SGCZ: variants seen among roughly 807,000 people sequenced by gnomAD.
SGCZ encodes sarcoglycan zeta.
A neutral mutation model predicts 41.3 loss-of-function variants in SGCZ; 40 were observed. That is an observed-to-expected ratio of 0.97 (90% CI 0.75 to 1.26). The LOEUF (loss-of-function observed/expected upper bound fraction) is 1.26. Among genes scored for constraint, SGCZ ranks in the 50% most tolerant of loss-of-function variants. SGCZ has a pLI of 0.00. For missense variants in SGCZ, 552 were observed against 369.8 expected (o/e 1.49, Z -4.04); for synonymous variants, 206 against 137.5 (o/e 1.50, Z -3.49).
chr8:14,639,186 T>C (rs553155204), intron 1 of SGCZ, among the ~76,000 whole-genome samples: 1 of 151,530 alleles, frequency 6.6e-6, no homozygotes, highest in South Asian at 2.1e-4. Context: ...TCAACTTTAA[T>C]GAGAGACTGG....
chr8:14,190,087 G>A (rs1299713141), intron 4 of SGCZ, among the ~76,000 whole-genome samples: 10 of 134,248 alleles, frequency 7.4e-5, no homozygotes, highest in African/African-American at 2.3e-4. Context: ...ATCTTGACTC[G>A]CTGCAAGCTC....
intron 2 of SGCZ, among the ~76,000 whole-genome samples, chr8:14,484,251 G>C (rs1801612612): frequency 6.6e-6 from 1 of 152,010 alleles, no homozygotes; most frequent in Admixed American, 6.6e-5. Flanking sequence ...TTCTATCATA[G>C]TTTGCTATTA....
intron 3 of SGCZ, among the ~76,000 whole-genome samples, chr8:14,319,695 G>A (rs1801854241): frequency 6.6e-6 from 1 of 152,088 alleles, no homozygotes; most frequent in Non-Finnish European, 1.5e-5. Flanking sequence ...ACCCGAGGCA[G>A]TTAAATTTGC....
intron 1 of SGCZ, among the ~76,000 whole-genome samples, chr8:15,174,555 G>C (rs1056506304): frequency 1.3e-5 from 2 of 152,104 alleles, no homozygotes; most frequent in Non-Finnish European, 2.9e-5. Context: ...AGACACATAA[G>C]AATTTCTCTC....
intron 1 of SGCZ, among the ~76,000 whole-genome samples, chr8:14,718,894 G>A (rs1258516098): frequency 2.0e-5 from 3 of 147,266 alleles, no homozygotes; most frequent in Admixed American, 6.8e-5. Context: ...GGGCACATGT[G>A]CACCATGTGC....
chr8:14,575,568 A>G (rs1804680679), intron 1 of SGCZ, among the ~76,000 whole-genome samples: 1 of 152,214 alleles, frequency 6.6e-6, no homozygotes, highest in Non-Finnish European at 1.5e-5. Context: ...TTTCATTAAC[A>G]GAAAATGTGG....
chr8:14,424,076 G>A (rs28691256), intron 2 of SGCZ, among the ~76,000 whole-genome samples: 21,043 of 152,114 alleles, frequency 0.14, 3,832 homozygotes, highest in African/African-American at 0.42. Flanking sequence ...GGAATATGTA[G>A]GAGGTCAATG....
At chr8:14,355,983 T>C (rs1028500394) in intron 2 of SGCZ, among the ~76,000 whole-genome samples, 1 of 152,142 alleles carries the variant, frequency 6.6e-6, no homozygotes, top group Non-Finnish European at 1.5e-5. Flanking sequence ...CAGCAGAAAA[T>C]ATTCTTCCAA....
Position 14,819,229 on chromosome 8 carries a change from T to C in SGCZ, c.40-264303A>G, listed in dbSNP as rs939662687. 2.0e-5 allele frequency among the ~76,000 whole-genome samples: 3 copies of C among 151,930 alleles called. No homozygotes were observed. In the East Asian group the frequency reaches 5.8e-4, roughly 29 times the overall value. ...GAACTCCCATTAGACTATCAGAAGA[T>C]TGTGTAGCAGAAATCTTGCAGGCTA... On this transcript the variant is annotated intron_variant, in intron 1 of 7. Transcript: ENST00000382080.
chr8:14,847,306 G>A (rs1030239573), intron 1 of SGCZ, among the ~76,000 whole-genome samples: 1 of 152,050 alleles, frequency 6.6e-6, no homozygotes, highest in South Asian at 2.1e-4. Context: ...CTTGATAAAG[G>A]CATTATCTAA....
intron 1 of SGCZ, among the ~76,000 whole-genome samples, chr8:15,063,630 A>T (rs1024104082): frequency 1.3e-5 from 2 of 152,136 alleles, no homozygotes; most frequent in Non-Finnish European, 2.9e-5. Context: ...CATTATTCTG[A>T]AATGACTTTG....
At chr8:15,166,415 T>G (rs1264503542) in intron 1 of SGCZ, among the ~76,000 whole-genome samples, 1 of 151,700 alleles carries the variant, frequency 6.6e-6, no homozygotes, top group African/African-American at 2.4e-5. Context: ...GCCCAGCTAG[T>G]TTTTTCTATT....
intron 2 of SGCZ, among the ~76,000 whole-genome samples, chr8:14,448,239 G>C (rs1800490965): frequency 6.6e-6 from 1 of 152,164 alleles, no homozygotes. Flanking sequence ...AGTACAGCTT[G>C]TACGTGGCCA....
intron 2 of SGCZ, among the ~76,000 whole-genome samples, chr8:14,402,306 G>T (rs532275013): frequency 6.6e-6 from 1 of 151,438 alleles, no homozygotes; most frequent in Non-Finnish European, 1.5e-5. Flanking sequence ...GATCCCATTT[G>T]TCAATTTTGT....
At chr8:15,010,700 T>C (rs1240387787) in intron 1 of SGCZ, among the ~76,000 whole-genome samples, 3 of 152,152 alleles carry the variant, frequency 2.0e-5, no homozygotes, top group Non-Finnish European at 2.9e-5. Context: ...AGAACTAATG[T>C]GATATAGAGG....
chr8:14,705,622 G>C (rs1809308443), intron 1 of SGCZ, among the ~76,000 whole-genome samples: 1 of 151,902 alleles, frequency 6.6e-6, no homozygotes, highest in African/African-American at 2.4e-5. Flanking sequence ...TTTTCCAAAT[G>C]AATGCTGTGT....
chr8:14,382,355 C>CA (rs1338453810), intron 2 of SGCZ, among the ~76,000 whole-genome samples: 1 of 151,898 alleles, frequency 6.6e-6, no homozygotes, highest in Non-Finnish European at 1.5e-5. Context: ...GGAATGAACT[C>CA]AGACTCAAAA....
chr8:14,140,695 T>A (rs1055241268), intron 5 of SGCZ, among the ~76,000 whole-genome samples: 3 of 152,054 alleles, frequency 2.0e-5, no homozygotes, highest in African/African-American at 7.2e-5. Context: ...GGAAGAACAT[T>A]CCATGCTCAT....
At chr8:14,248,845 T>C (rs1217508127) in intron 3 of SGCZ, among the ~76,000 whole-genome samples, 1 of 152,106 alleles carries the variant, frequency 6.6e-6, no homozygotes, top group African/African-American at 2.4e-5. Flanking sequence ...TTTATGTGCA[T>C]GTATGCTGTA....
Sources: gnomAD v4.1 joint callset for allele counts (sites outside exome capture counted in the v4.1 genomes callset) on GRCh38, gnomAD v4.1.1 for gene constraint, MANE v1.5 for transcripts, NCBI Gene and HGNC (gene_info 2026-07-23, HGNC 2026-07-21) for gene names.